GTF3C1: variants seen among roughly 807,000 people sequenced by gnomAD.
The protein encoded by GTF3C1 is general transcription factor IIIC subunit 1.
Under a neutral mutation model 226.7 loss-of-function variants are expected in GTF3C1, and 57 were observed. That is an observed-to-expected ratio of 0.25 (90% CI 0.20 to 0.31). The LOEUF (loss-of-function observed/expected upper bound fraction) is 0.31. GTF3C1 is among the 10% of genes least tolerant of loss of function. GTF3C1 has a pLI of 1.00. For missense variants in GTF3C1, 2,217 were observed against 2,776.1 expected (o/e 0.80, Z 4.53); for synonymous variants, 1,090 against 1,084.8 (o/e 1.00, Z -0.09).
At chr16:27,490,646 C>T (rs1273412123) in intron 19 of GTF3C1, among the ~76,000 whole-genome samples, 2 of 152,182 alleles carry the variant, frequency 1.3e-5, no homozygotes, top group African/African-American at 2.4e-5. Flanking sequence ...TAAGGCAAAG[C>T]TTCTCTCATA....
chr16:27,511,687 A>C, intron 7 of GTF3C1, 62 bp downstream of exon 7: 4 of 1,551,612 alleles, frequency 2.6e-6, no homozygotes, highest in Non-Finnish European at 3.5e-6. Context: ...CATGTGGGCA[A>C]AGCGCTTCTT....
At chr16:27,536,237 A>C (rs2088999478) in intron 4 of GTF3C1, among the ~76,000 whole-genome samples, 1 of 152,236 alleles carries the variant, frequency 6.6e-6, no homozygotes, top group South Asian at 2.1e-4. Context: ...AACTAACTTT[A>C]TATTATTGGT....
chr16:27,486,586 C>T (rs1231913644), intron 23 of GTF3C1, among the ~76,000 whole-genome samples: 12 of 152,136 alleles, frequency 7.9e-5, no homozygotes, highest in Non-Finnish European at 1.5e-4. Flanking sequence ...ACCACACGGG[C>T]GTTGTGTAGA....
intron 22 of GTF3C1, 57 bp from the exon 23 acceptor site, chr16:27,488,472 G>T: frequency 6.4e-7 from 1 of 1,555,154 alleles, no homozygotes; most frequent in Non-Finnish European, 8.9e-7. Flanking sequence ...AGGCCAGGAA[G>T]ACCAAACCGA....
At chr16:27,510,302 C>A (rs891241313) in intron 7 of GTF3C1, among the ~76,000 whole-genome samples, 1 of 151,974 alleles carries the variant, frequency 6.6e-6, no homozygotes. Context: ...AGGAGAATGG[C>A]GTGAACCCAG....
intron 29 of GTF3C1, among the ~76,000 whole-genome samples, chr16:27,475,955 TTG>T (rs2087944868): frequency 6.6e-6 from 1 of 152,168 alleles, no homozygotes; most frequent in South Asian, 2.1e-4. Flanking sequence ...CTGGGAGGGA[TTG>T]TGGAGGTCAC....
At chr16:27,529,294 T>G (rs1194999447) in intron 5 of GTF3C1, among the ~76,000 whole-genome samples, 3 of 151,944 alleles carry the variant, frequency 2.0e-5, no homozygotes, top group Non-Finnish European at 4.4e-5. Context: ...AATACAAACA[T>G]TAGCTGGGTG....
In GTF3C1 at chr16:27,502,940, T is replaced by C; in HGVS notation, c.1826A>G (p.His609Arg). 2.5e-6 allele frequency: 4 copies of C among 1,613,594 alleles called. No individual in the cohort carries two copies. Among genetic ancestry groups the C allele is most frequent in the Non-Finnish European group, 3.4e-6 (4 of 1,179,604 alleles). ...GRHSSGQDKP[H>R]ETYRLLKRRN... ...GCGTTTCAGCAGTCGGTAAGTTTCG[T>C]GTGGTTTGTCTTGGCCTGAGCTGTG... Residue 609 changes from histidine to arginine, a missense_variant, in exon 11 of 37, where the codon CAC becomes CGC. By Grantham distance (29) the His-to-Arg change is conservative. Around this residue, in one of 12 missense-constraint regions of GTF3C1, gnomAD observed 173 missense variants for 207.2 expected, o/e 0.83. Coordinates refer to ENST00000356183, the MANE Select transcript of GTF3C1 (RefSeq NM_001520.4).
intron 7 of GTF3C1, among the ~76,000 whole-genome samples, chr16:27,511,383 C>T (rs2088568589): frequency 6.6e-6 from 1 of 152,224 alleles, no homozygotes; most frequent in Non-Finnish European, 1.5e-5. Flanking sequence ...GCCTCCAGCT[C>T]GCAGACGAGC....
Position 27,486,109 on chromosome 16 carries a change from T to G in GTF3C1, c.3746A>C (p.Glu1249Ala). The G allele has an allele frequency of 6.2e-7, 1 of 1,608,002 alleles. No homozygotes were observed. The highest frequency in any genetic ancestry group is 8.5e-7 in the Non-Finnish European group (1 of 1,174,612). The change falls in exon 24 of 37, where the codon GAA becomes GCA. Residue 1249 changes from glutamate (E) to alanine (A), a missense_variant. Physicochemically the swap from Glu to Ala is moderately radical, Grantham distance 107. Around this residue, in one of 12 missense-constraint regions of GTF3C1, gnomAD observed 546 missense variants for 663.0 expected, o/e 0.82. Coordinates refer to ENST00000356183, the MANE Select transcript of GTF3C1 (RefSeq NM_001520.4). ...CCGCTGCAGGGCACTCTGGTCGGCT[T>G]CATCATGGTAGCGCAGCCTTTTGCT... Reference protein sequence around the residue: ...EKSKRLRYHDEADQSALQRMT... With the variant: ...EKSKRLRYHDAADQSALQRMT...
intron 15 of GTF3C1, 24 bp from the exon 16 acceptor site, chr16:27,494,932 C>T: frequency 1.9e-6 from 3 of 1,606,790 alleles, no homozygotes; most frequent in African/African-American, 1.3e-5. Context: ...GCACGGTTAC[C>T]CCCGGCAGCC....
rs2087872744 is a variant in GTF3C1 at position 27,471,672 on chromosome 16, G to A, written c.4526+76C>T. On this transcript the variant is annotated intron_variant, in intron 30 of 36. Coordinates refer to ENST00000356183, the MANE Select transcript of GTF3C1 (RefSeq NM_001520.4). The surrounding 1 kb of genome is among the most constrained non-coding windows in gnomAD (Gnocchi z 5.0). Reference sequence around the variant, plus strand: ...GCTCCTACACGCTTTCATGGCCACAGTGCTTCCTTTGCTCCTCTTTACAGA... The same window carrying A: ...GCTCCTACACGCTTTCATGGCCACAATGCTTCCTTTGCTCCTCTTTACAGA... 2 of 1,202,694 alleles carry A rather than the reference G, an allele frequency of 1.7e-6. No individual in the cohort carries two copies. The highest frequency in any genetic ancestry group is 3.7e-5 in the Admixed American group (2 of 54,090). 74.5% of individuals were successfully genotyped at this position (1,202,694 alleles called of 1,614,324 possible). A position where few individuals can be genotyped will look rare whatever the true frequency, so the allele number is the denominator to read the frequency against.
At chr16:27,481,347 C>T (rs1318072542) in intron 26 of GTF3C1, among the ~76,000 whole-genome samples, 156 bp from the exon 27 acceptor site, 4 of 152,112 alleles carry the variant, frequency 2.6e-5, no homozygotes. Flanking sequence ...TCATCTGTCA[C>T]CTGTCATCTG....
intron 6 of GTF3C1, 101 bp from the exon 7 acceptor site, chr16:27,512,002 G>T: frequency 7.5e-7 from 1 of 1,326,910 alleles, no homozygotes; most frequent in Non-Finnish European, 1.1e-6. Flanking sequence ...AGCAGAGACA[G>T]AGATCCCCAC....
chr16:27,486,629 C>G (rs745364916), intron 23 of GTF3C1, among the ~76,000 whole-genome samples: 1 of 152,162 alleles, frequency 6.6e-6, no homozygotes, highest in African/African-American at 2.4e-5. Flanking sequence ...AAGGCCTCTG[C>G]TCCAGGGCCA....
Position 27,461,180 on chromosome 16 carries a change from G to C in GTF3C1, c.*170C>G. 2 of 583,534 alleles carry C rather than the reference G, an allele frequency of 3.4e-6. No homozygotes were observed. The highest frequency in any genetic ancestry group is 6.1e-6 in the Non-Finnish European group (2 of 326,618). 36.1% of individuals were successfully genotyped at this position (583,534 alleles called of 1,614,324 possible). On this transcript the variant is annotated 3_prime_UTR_variant, in exon 37 of 37. Coordinates refer to ENST00000356183, the MANE Select transcript of GTF3C1 (RefSeq NM_001520.4). The surrounding 1 kb of genome is among the most constrained non-coding windows in gnomAD (Gnocchi z 5.3). ...AGGTCGGGGAGCCCCTCTTTCCAGA[G>C]TTCCAGTACAGTGGGAAACGTGTCA...
intron 6 of GTF3C1, among the ~76,000 whole-genome samples, chr16:27,516,395 C>A (rs746847008): frequency 1.3e-5 from 2 of 152,204 alleles, no homozygotes; most frequent in African/African-American, 4.8e-5. Context: ...CTGGGCCCAG[C>A]GTGAGGCGGC....
chr16:27,534,706 G>A (rs994706983), intron 4 of GTF3C1, among the ~76,000 whole-genome samples: 2 of 152,240 alleles, frequency 1.3e-5, no homozygotes, highest in Non-Finnish European at 2.9e-5. Flanking sequence ...CAAGTGAAGA[G>A]TTTGGTGAGA....
At chr16:27,508,796 T>C in intron 7 of GTF3C1, 141 bp from the exon 8 acceptor site, 1 of 640,604 alleles carries the variant, frequency 1.6e-6, no homozygotes, top group South Asian at 1.9e-5. Context: ...TTTCTCTCCC[T>C]TATCCTCCCA....
Sources: gnomAD v4.1 joint callset for allele counts (sites outside exome capture counted in the v4.1 genomes callset) on GRCh38, gnomAD v4.1.1 for gene constraint, gnomAD v4.1.1 regional missense constraint, Gnocchi (gnomAD v3.1) non-coding constraint, MANE v1.5 for transcripts, NCBI Gene and HGNC (gene_info 2026-07-23, HGNC 2026-07-21) for gene names.